PMS2: variants seen among roughly 807,000 people sequenced by gnomAD.
The protein encoded by PMS2 is mismatch repair endonuclease PMS2.
In PMS2, 69 loss-of-function variants were observed where a neutral mutation model predicts 90.0. That is an observed-to-expected ratio of 0.77 (90% confidence interval 0.63 to 0.94). The LOEUF (loss-of-function observed/expected upper bound fraction) is 0.94, where lower values mean the gene tolerates loss of function less well. Ranked by LOEUF, PMS2 falls within the 40% of genes least tolerant of loss-of-function variation. The pLI, the probability that PMS2 is intolerant of heterozygous loss-of-function variation, is 0.00. For missense variants in PMS2, 966 were observed against 1,040.2 expected, an observed-to-expected ratio of 0.93 and a Z score of 0.98; for synonymous variants, 332 against 375.1, an observed-to-expected ratio of 0.89 and a Z score of 1.33.
At position 5,982,838 on chromosome 7, in the gene PMS2, C is replaced by T. The variant is rs546441038; in HGVS notation, c.2160G>A (p.Gly720=). The stretch of plus-strand genomic sequence containing the variant: ...AACACACTCACGCTATGAGCCTCTG[C>T]CCCTGGAGCACGGTGTGCTGCTGCA... ...EMLQQHTVLQ[G]QRLIAPQTLN... Residue 720 remains glycine (G), a synonymous_variant, in exon 12 of 15, where the codon GGG becomes GGA. Transcript: ENST00000265849. 381 of 1,608,642 alleles carry T rather than the reference C, an allele frequency of 2.4e-4. 3 individuals carry two copies. In the South Asian group the frequency reaches 4.0e-3, roughly 17 times the overall value.
At chr7:5,995,397 T>C (rs1784269923) in intron 8 of PMS2, 137 bp downstream of exon 8, 2 of 688,728 alleles carry the variant, frequency 2.9e-6, no homozygotes, top group Non-Finnish European at 5.2e-6. Context: ...CTTCTGTAAA[T>C]GCACAAAATA....
At chr7:6,008,597 T>A (rs1308401788) in intron 1 of PMS2, among the ~76,000 whole-genome samples, 1 of 151,544 alleles carries the variant, frequency 6.6e-6, no homozygotes, top group African/African-American at 2.4e-5. Flanking sequence ...CAAAAAAAAA[T>A]TAAAAATAAA....
rs1057243095 is a variant in PMS2 at position 5,996,304 on chromosome 7, A to G, written c.804-671T>C. Among the ~76,000 whole-genome samples, 30 of 150,958 alleles carry G rather than the reference A, an allele frequency of 2.0e-4. 1 individual carries two copies. The highest frequency in any genetic ancestry group is 6.5e-4 in the African/African-American group (27 of 41,522). On this transcript the variant is annotated intron_variant, in intron 7 of 14. Transcript: ENST00000265849. ...TGTGGTGGCTCATGCCTGTAATTCC[A>G]GAGCCTTGAGAGGCCAAGGTGGGTG...
At chr7:5,993,339 C>A (rs1436379006) in intron 8 of PMS2, among the ~76,000 whole-genome samples, 1 of 124,970 alleles carries the variant, frequency 8.0e-6, no homozygotes, top group Non-Finnish European at 1.6e-5. Flanking sequence ...TCACTGCACT[C>A]TAGCCTGGGC....
intron 11 of PMS2, among the ~76,000 whole-genome samples, chr7:5,984,244 C>A (rs1309150368): frequency 6.6e-6 from 1 of 151,808 alleles, no homozygotes; most frequent in South Asian, 2.1e-4. Context: ...ATCAATCCTT[C>A]TCATCTTTGC....
chr7:6,008,063 T>C (rs1263109276), intron 1 of PMS2, among the ~76,000 whole-genome samples: 1 of 152,128 alleles, frequency 6.6e-6, no homozygotes, highest in Non-Finnish European at 1.5e-5. Flanking sequence ...TTCACCATGT[T>C]GGCCAGGCTG....
chr7:5,993,075 C>T (rs112132176), intron 8 of PMS2, among the ~76,000 whole-genome samples: 7 of 152,156 alleles, frequency 4.6e-5, no homozygotes, highest in South Asian at 2.1e-4. Context: ...TCTAAAGCAT[C>T]ATTGAAAAAC....
chr7:5,997,201 A>T, intron 7 of PMS2, 125 bp downstream of exon 7: 1 of 673,726 alleles, frequency 1.5e-6, no homozygotes, highest in Non-Finnish European at 2.7e-6. Context: ...GCAACAAAGC[A>T]AGACTCCGTC....
chr7:6,003,852 C>T, intron 3 of PMS2, 60 bp from the exon 4 acceptor site: 1 of 1,273,010 alleles, frequency 7.9e-7, no homozygotes, highest in Non-Finnish European at 1.1e-6. Flanking sequence ...ACAAAATATA[C>T]ATGATATCTA....
rs1022721396 is a variant in PMS2, at chr7:5,989,768, T to C, written c.1144+32A>G. 3 of 1,568,552 alleles carry C rather than the reference T, an allele frequency of 1.9e-6. No individual in the cohort carries two copies. The African/African-American group carries it at 4.1e-5, about 21-fold the overall frequency. On this transcript the variant is annotated intron_variant, in intron 10 of 14. Transcript: ENST00000265849. Reference sequence around the variant, plus strand: ...AAGGAAACACATTAGCTAAAAGCTTTAGAAGCTGTTTGTACACTGTATTTT... The same window carrying C: ...AAGGAAACACATTAGCTAAAAGCTTCAGAAGCTGTTTGTACACTGTATTTT...
chr7:5,976,039 C>CACCAGCCTG (rs1313992018), intron 14 of PMS2, among the ~76,000 whole-genome samples: 4 of 144,648 alleles, frequency 2.8e-5, no homozygotes, highest in African/African-American at 9.9e-5. Flanking sequence ...AGGAGATCAA[C>CACCAGCCTG]ACCAGCCTGA....
rs863224496 is a variant in PMS2, at chr7:5,987,468, T to C, written c.1297A>G (p.Lys433Glu). 3 of 1,614,044 alleles carry C rather than the reference T, an allele frequency of 1.9e-6. No individual in the cohort carries two copies. The East Asian group carries it at 6.7e-5, about 36-fold the overall frequency. Reference protein sequence around the residue: ...AFSLRHTTENKPHSPKTPEPR... With the variant: ...AFSLRHTTENEPHSPKTPEPR... Reference sequence around the variant, plus strand: ...TCTGGAGTCTTTGGGCTGTGAGGCTTGTTCTCTGTTGTGTGACGAAGAGAA... The same window carrying C: ...TCTGGAGTCTTTGGGCTGTGAGGCTCGTTCTCTGTTGTGTGACGAAGAGAA... The change falls in exon 11 of 15, where the codon AAG becomes GAG. Residue 433 changes from lysine to glutamate, a missense_variant. By Grantham distance (56) the Lys-to-Glu change is moderately conservative. Transcript: ENST00000265849.
chr7:5,988,271 T>A (rs139545202), intron 10 of PMS2, among the ~76,000 whole-genome samples: 1 of 152,076 alleles, frequency 6.6e-6, no homozygotes, highest in Non-Finnish European at 1.5e-5. Flanking sequence ...CAACCCAGCA[T>A]AGCTACTCCT....
intron 11 of PMS2, among the ~76,000 whole-genome samples, chr7:5,986,109 G>GAT (rs1782831448): frequency 6.9e-6 from 1 of 144,014 alleles, no homozygotes; most frequent in Non-Finnish European, 1.5e-5. Flanking sequence ...CCAGTACATA[G>GAT]ATAATCTGCT....
chr7:5,986,471 C>T (rs1264580235), intron 11 of PMS2, among the ~76,000 whole-genome samples: 1 of 152,034 alleles, frequency 6.6e-6, no homozygotes, highest in African/African-American at 2.4e-5. Context: ...GTGGCTGGAT[C>T]ACCTGAAGTC....
intron 6 of PMS2, 152 bp downstream of exon 6, chr7:5,998,956 C>G (rs969546353): frequency 4.1e-6 from 3 of 728,372 alleles, no homozygotes; most frequent in Non-Finnish European, 6.8e-6. Context: ...CACCACTGCA[C>G]TCCAGCCTGG....
In PMS2 at chr7:5,989,088, G is replaced by A. The variant is rs144951850; in HGVS notation, c.1144+712C>T. On this transcript the variant is annotated intron_variant, in intron 10 of 14. Transcript: ENST00000265849. The stretch of plus-strand genomic sequence containing the variant: ...GATAGTCTCGATCTCCTGACCTCGT[G>A]AGCCGCCCGCCTTGGCCTCCCAAAG... Among the ~76,000 whole-genome samples the A allele has an allele frequency of 7.4e-3, 1,132 of 152,214 alleles. 11 individuals are homozygous for A. The highest frequency in any genetic ancestry group is 0.026 in the African/African-American group (1,089 of 41,550).
chr7:5,992,566 C>T lies in PMS2; in HGVS notation c.904-509G>A, dbSNP rs182474067. The stretch of plus-strand genomic sequence containing the variant: ...AACTCCTGACCTCAGTTGATCCGCC[C>T]GCCTCAACCTCCCAAAGTGCTGGGA... On this transcript the variant is annotated intron_variant, in intron 8 of 14. Coordinates refer to ENST00000265849, the MANE Select transcript of PMS2 (RefSeq NM_000535.7). Among the ~76,000 whole-genome samples, 56 of 152,110 alleles carry T rather than the reference C, an allele frequency of 3.7e-4. No individual in the cohort carries two copies. The East Asian group carries it at 5.0e-3, about 14-fold the overall frequency.
intron 10 of PMS2, among the ~76,000 whole-genome samples, chr7:5,988,302 G>A (rs746928580): frequency 2.6e-4 from 40 of 152,156 alleles, no homozygotes; most frequent in African/African-American, 7.5e-4. Flanking sequence ...CCTATTGGCC[G>A]GCACAGTGGC....
Sources: allele counts gnomAD v4.1 joint callset (sites outside exome capture counted in the v4.1 genomes callset), GRCh38; gene constraint gnomAD v4.1.1; transcripts MANE v1.5; gene names NCBI Gene and HGNC (gene_info 2026-07-23, HGNC 2026-07-21).